The following MBP variants were observed in gnomAD, a reference collection of about 807,000 sequenced individuals.
MBP encodes the protein Golli-MBP.
In MBP, 16 loss-of-function variants were observed where a neutral mutation model predicts 35.8. The observed-to-expected ratio is 0.45, with a 90% CI of 0.30 to 0.68. MBP has a LOEUF of 0.68. Among genes scored for constraint, MBP ranks in the 30% least tolerant of loss-of-function variants. The probability of loss-of-function intolerance (pLI) is 0.08; values close to 1 mark genes in which losing one functional copy is unlikely to be tolerated. For synonymous variants in MBP, 143 were observed against 159.6 expected, an observed-to-expected ratio of 0.90 and a Z score of 0.78; for missense variants, 380 against 404.7, an observed-to-expected ratio of 0.94 and a Z score of 0.52.
At chr18:77,047,477 T>C (rs1285511064) in intron 3 of MBP, among the ~76,000 whole-genome samples, 1 of 152,068 alleles carries the variant, frequency 6.6e-6, no homozygotes, top group African/African-American at 2.4e-5. Flanking sequence ...GGGTGAGACG[T>C]GTCGGGGAAG....
intron 3 of MBP, among the ~76,000 whole-genome samples, chr18:77,064,772 C>T (rs1434869179): frequency 6.6e-6 from 1 of 152,202 alleles, no homozygotes; most frequent in Non-Finnish European, 1.5e-5. Context: ...GCCTGTTTGC[C>T]TTGAATGTTG....
rs191787722 is a variant in MBP at position 77,000,576 on chromosome 18, A to G, written c.577-10516T>C. Among the ~76,000 whole-genome samples, 238 of 152,338 alleles carry G rather than the reference A, an allele frequency of 1.6e-3. 2 individuals carry two copies. The highest frequency in any genetic ancestry group is 8.5e-3 in the South Asian group (41 of 4,826). On this transcript the variant is annotated intron_variant, in intron 4 of 8. Coordinates refer to ENST00000355994, the MANE Select transcript of MBP (RefSeq NM_001025101.2). ...TTTTTCCATTAGGCTGTTTGATTGC[A>G]TGATTTTTGAAGAATTATTTTCCTC...
intron 4 of MBP, chr18:77,009,926 C>A (rs1045604223): frequency 1.9e-6 from 3 of 1,579,354 alleles, no homozygotes; most frequent in East Asian, 2.3e-5. Context: ...AGCCAGGGTA[C>A]CTGCCGGGGG....
intron 3 of MBP, among the ~76,000 whole-genome samples, chr18:77,028,624 C>T (rs113641745): frequency 3.7e-5 from 2 of 53,976 alleles, no homozygotes; most frequent in African/African-American, 6.2e-5. Context: ...GGGGGGCTGA[C>T]CCCCCCCCAC....
chr18:77,043,367 G>A (rs576842987), intron 3 of MBP, among the ~76,000 whole-genome samples: 4 of 152,274 alleles, frequency 2.6e-5, no homozygotes, highest in Non-Finnish European at 2.9e-5. Context: ...ATTGAAATAC[G>A]ATTGTCTCTT....
Position 77,017,275 on chromosome 18 carries a change from A to G in MBP, c.140-7T>C, listed in dbSNP as rs746755649. On this transcript the variant is annotated splice_polypyrimidine_tract_variant and splice_region_variant and intron_variant, in intron 3 of 8. Coordinates refer to ENST00000355994, the MANE Select transcript of MBP (RefSeq NM_001025101.2). ...TGGTTCGCATCTGCCTCTCCTGCAA[A>G]CAACAATGAGATATGAATACGGGCC... is the stretch of plus-strand genomic sequence containing the variant. 3 of 1,506,040 alleles carry G rather than the reference A, an allele frequency of 2.0e-6. No homozygotes were observed. Among genetic ancestry groups the G allele is most frequent in the East Asian group, 4.6e-5 (2 of 43,870 alleles). 93.3% of individuals were successfully genotyped at this position (1,506,040 alleles called of 1,614,324 possible).
At chr18:76,986,842 C>T (rs1181704915) in intron 7 of MBP, 2 of 985,338 alleles carry the variant, frequency 2.0e-6, no homozygotes, top group Admixed American at 6.1e-5. Flanking sequence ...GATTAACAAT[C>T]TGCGCGGCCT....
rs1976076055 is a variant in MBP at position 77,102,561 on chromosome 18, T to G, written c.51+2650A>C. 6.6e-6 allele frequency among the ~76,000 whole-genome samples: 1 copy of G among 152,250 alleles called. No homozygotes were observed. Among genetic ancestry groups the G allele is most frequent in the South Asian group, 2.1e-4 (1 of 4,834 alleles). On this transcript the variant is annotated intron_variant, in intron 2 of 8. Transcript: ENST00000355994. This position sits in a 1 kb window ranked among gnomAD's most constrained non-coding sequence, Gnocchi z 4.4. ...CCATAGTTTTAACATTTCCAAGTTT[T>G]GAGGTTTTTAAATGATCAGAACTTT...
At position 77,020,683 on chromosome 18, in the gene MBP, C is replaced by T. The variant is rs777188262; in HGVS notation, c.140-3415G>A. The stretch of plus-strand genomic sequence containing the variant: ...TCATAGGCTGCCTCGCTTGGTGCCA[C>T]CAAGATTCCAGCCTTCAGAGGAAAG... On this transcript the variant is annotated intron_variant, in intron 3 of 8. Transcript: ENST00000355994. This position sits in a 1 kb window ranked among gnomAD's most constrained non-coding sequence, Gnocchi z 4.1. Among the ~76,000 whole-genome samples the T allele has an allele frequency of 6.6e-6, 1 of 152,224 alleles. No homozygotes were observed. Among genetic ancestry groups the T allele is most frequent in the Non-Finnish European group, 1.5e-5 (1 of 68,036 alleles).
chr18:77,080,874 G>C (rs1974868873), intron 2 of MBP, among the ~76,000 whole-genome samples: 2 of 151,928 alleles, frequency 1.3e-5, no homozygotes, highest in Non-Finnish European at 2.9e-5. Context: ...GTAGAGACAG[G>C]GTTTCACCAT....
intron 1 of MBP, among the ~76,000 whole-genome samples, chr18:77,124,445 C>G (rs1256636126): frequency 6.7e-6 from 1 of 150,324 alleles, no homozygotes; most frequent in African/African-American, 2.4e-5. Context: ...CTCCCACCCC[C>G]CACCCCGTGC....
rs1977233085 is a variant in MBP at position 77,131,038 on chromosome 18, A to AAC, written c.-26+1541_-26+1542insGT. ...CTGTTTTTCCCACAAAAAAAAAAAAAAAACAAAACCTCAAAAAACAAAACA... is the reference window on the plus strand; with the variant it reads ...CTGTTTTTCCCACAAAAAAAAAAAAAACAAACAAAACCTCAAAAAACAAAACA... On this transcript the variant is annotated intron_variant, in intron 1 of 8. Coordinates refer to ENST00000355994, the MANE Select transcript of MBP (RefSeq NM_001025101.2). This position sits in a 1 kb window ranked among gnomAD's most constrained non-coding sequence, Gnocchi z 5.5. Among the ~76,000 whole-genome samples, 1 of 151,212 alleles carries AAC rather than the reference A, an allele frequency of 6.6e-6. No homozygotes were observed. The highest frequency in any genetic ancestry group is 2.1e-4 in the South Asian group (1 of 4,782).
chr18:77,072,628 G>A (rs951454214), intron 2 of MBP, among the ~76,000 whole-genome samples: 1 of 152,218 alleles, frequency 6.6e-6, no homozygotes, highest in Non-Finnish European at 1.5e-5. Context: ...CAGATCAGTA[G>A]CATCTTAGCT....
intron 3 of MBP, among the ~76,000 whole-genome samples, chr18:77,048,293 G>C (rs1217179997): frequency 6.6e-6 from 1 of 152,252 alleles, no homozygotes; most frequent in Non-Finnish European, 1.5e-5. Context: ...TAGAAGGAAA[G>C]CTGGGCCATT....
intron 3 of MBP, among the ~76,000 whole-genome samples, chr18:77,034,685 A>G (rs912985499): frequency 2.6e-5 from 4 of 152,304 alleles, no homozygotes; most frequent in Non-Finnish European, 4.4e-5. Context: ...ACGGAAATTA[A>G]TAAAATCCAG....
In MBP at chr18:77,017,004, G is replaced by A. The variant is rs745869718; in HGVS notation, c.404C>T (p.Ala135Val). 2.5e-6 allele frequency: 4 copies of A among 1,614,088 alleles called. No individual in the cohort carries two copies. The highest frequency in any genetic ancestry group is 3.4e-6 in the Non-Finnish European group (4 of 1,180,006). ...AATSESLDVMASQKRPSQRHG... is the reference protein window; with the variant it reads ...AATSESLDVMVSQKRPSQRHG... ...CCTCTGGGAGGGTCTCTTCTGTGAC[G>A]CCATCACATCCAGGCTCTCGGAGGT... The change falls in exon 4 of 9, where the codon GCG becomes GTG. Residue 135 changes from alanine (A) to valine (V), a missense_variant. By Grantham distance (64) the Ala-to-Val change is moderately conservative (BLOSUM62 0). Transcript: ENST00000355994.
intron 1 of MBP, among the ~76,000 whole-genome samples, chr18:77,116,954 G>A (rs1976688571): frequency 6.6e-6 from 1 of 152,214 alleles, no homozygotes; most frequent in South Asian, 2.1e-4. Context: ...ACAGGTCGGA[G>A]CTGAGCTGTG....
chr18:77,098,166 T>C (rs1975841999), intron 2 of MBP, among the ~76,000 whole-genome samples: 1 of 103,992 alleles, frequency 9.6e-6, no homozygotes, highest in African/African-American at 3.2e-5. Context: ...CACAAGGACT[T>C]CCTTTTTTTT....
chr18:77,044,469 T>C lies in MBP; in HGVS notation c.139+21829A>G, dbSNP rs1217282024. Among the ~76,000 whole-genome samples, 1 of 152,104 alleles carries C rather than the reference T, an allele frequency of 6.6e-6. No homozygotes were observed. The highest frequency in any genetic ancestry group is 2.4e-5 in the African/African-American group (1 of 41,422). On this transcript the variant is annotated intron_variant, in intron 3 of 8. Transcript: ENST00000355994. This position sits in a 1 kb window ranked among gnomAD's most constrained non-coding sequence, Gnocchi z 4.4. Reference sequence around the variant, plus strand: ...GCTGTCCTCCTTCCCAGCATGAAGTTCTACTGCAAGGGCCACTCTCCCTGT... The same window carrying C: ...GCTGTCCTCCTTCCCAGCATGAAGTCCTACTGCAAGGGCCACTCTCCCTGT...
Sources: gnomAD v4.1 joint callset for allele counts (sites outside exome capture counted in the v4.1 genomes callset) on GRCh38, gnomAD v4.1.1 for gene constraint, Gnocchi (gnomAD v3.1) non-coding constraint, MANE v1.5 for transcripts, NCBI Gene and HGNC (gene_info 2026-07-23, HGNC 2026-07-21) for gene names.